Variants in TPRA1 observed in about 807,000 individuals in gnomAD.
TPRA1 encodes transmembrane protein adipocyte-associated 1.
TPRA1 carries 28 observed loss-of-function variants against 40.1 expected under a neutral mutation model. That is an observed-to-expected ratio of 0.70 (90% CI 0.52 to 0.96). The LOEUF is 0.96. Ranked by LOEUF, TPRA1 falls within the 40% of genes least tolerant of loss-of-function variation. The probability of loss-of-function intolerance (pLI) is 0.00; values close to 1 mark genes in which losing one functional copy is unlikely to be tolerated. For missense variants in TPRA1, 441 were observed against 482.6 expected (o/e 0.91, Z 0.81); for synonymous variants, 219 against 209.7 (o/e 1.04, Z -0.38).
upstream of TPRA1, among the ~76,000 whole-genome samples, chr3:127,592,707 G>T (rs554531063): frequency 1.3e-5 from 2 of 152,196 alleles, no homozygotes; most frequent in African/African-American, 4.8e-5. Context: ...TTTAATGAGC[G>T]CCTGGGTGCA....
In TPRA1 at chr3:127,571,655, C is replaced by G. The variant is rs1259473405; in HGVS notation, c.*1866G>C. 6.6e-6 allele frequency: 1 copy of G among 152,108 alleles called. No individual in the cohort carries two copies. The highest frequency in any genetic ancestry group is 6.5e-5 in the Admixed American group (1 of 15,276). The allele number at this position is 152,108 out of a possible 1,614,324, so 9.4% of individuals were successfully genotyped here. A position where few individuals can be genotyped will look rare whatever the true frequency, so the allele number is the denominator to read the frequency against. ...CAGAAAGAGGGATGATATACACATC[C>G]GTTGGTGTGAACACAGGATGGCTCT... is the stretch of plus-strand genomic sequence containing the variant. On this transcript the variant is annotated 3_prime_UTR_variant, in exon 11 of 11. Transcript: ENST00000355552.
At chr3:127,592,034 A>G (rs1327561854), upstream of TPRA1, 2 of 152,178 alleles carry the variant, frequency 1.3e-5, no homozygotes, top group East Asian at 3.9e-4. Flanking sequence ...AAATGTGCAT[A>G]CCTAAGTTTA....
intron 10 of TPRA1, 92 bp from the exon 11 acceptor site, chr3:127,573,880 G>A: frequency 1.4e-6 from 2 of 1,453,972 alleles, no homozygotes; most frequent in Non-Finnish European, 1.8e-6. Context: ...AGATAAGGAA[G>A]GAATTGACCA....
chr3:127,591,338 A>G (rs1289019944), upstream of TPRA1, among the ~76,000 whole-genome samples: 1 of 152,216 alleles, frequency 6.6e-6, no homozygotes, highest in Non-Finnish European at 1.5e-5. Flanking sequence ...GTCACCTTTT[A>G]CAGGGCCACC....
Position 127,573,433 on chromosome 3 carries a change from G to A in TPRA1, c.*88C>T, listed in dbSNP as rs2073439438. On this transcript the variant is annotated 3_prime_UTR_variant, in exon 11 of 11. Coordinates refer to ENST00000355552, the MANE Select transcript of TPRA1 (RefSeq NM_001136053.4). ...CACACAGGGCTACTGCCCACAGAACGTCCCTTGACCTGGTCCTCCTCCCCT... is the reference window on the plus strand; with the variant it reads ...CACACAGGGCTACTGCCCACAGAACATCCCTTGACCTGGTCCTCCTCCCCT... The A allele has an allele frequency of 1.4e-5, 21 of 1,483,268 alleles. No individual in the cohort carries two copies. The highest frequency in any genetic ancestry group is 1.2e-4 in the South Asian group (9 of 76,382). 91.9% of individuals were successfully genotyped at this position (1,483,268 alleles called of 1,614,324 possible). A position where few individuals can be genotyped will look rare whatever the true frequency, so the allele number is the denominator to read the frequency against.
Position 127,576,255 on chromosome 3 carries a change from G to A in TPRA1, c.499-205C>T, listed in dbSNP as rs1055849357. On this transcript the variant is annotated intron_variant, in intron 6 of 10. Transcript: ENST00000355552. This position sits in a 1 kb window ranked among gnomAD's most constrained non-coding sequence, Gnocchi z 4.6. ...GCATCCAGAGCCGGCCCAGTCTTGG[G>A]CTGAGTCACATGGGGAAGGGGGCAG... is the stretch of plus-strand genomic sequence containing the variant. 6.6e-6 allele frequency among the ~76,000 whole-genome samples: 1 copy of A among 152,174 alleles called. No individual in the cohort carries two copies. The highest frequency in any genetic ancestry group is 2.4e-5 in the African/African-American group (1 of 41,434).
intron 1 of TPRA1, among the ~76,000 whole-genome samples, chr3:127,585,140 A>G (rs896280981): frequency 2.6e-5 from 4 of 152,204 alleles, no homozygotes; most frequent in African/African-American, 7.2e-5. Context: ...CCCAATGAAT[A>G]TAAAGGTACT....
chr3:127,582,616 G>A (rs1449720474), intron 1 of TPRA1, among the ~76,000 whole-genome samples: 1 of 150,162 alleles, frequency 6.7e-6, no homozygotes, highest in African/African-American at 2.5e-5. Flanking sequence ...GCAGGAGAAT[G>A]GCTTGAACCC....
Position 127,576,394 on chromosome 3 carries a change from G to A in TPRA1, c.498+223C>T, listed in dbSNP as rs902426708. On this transcript the variant is annotated intron_variant, in intron 6 of 10. Transcript: ENST00000355552. The surrounding 1 kb of genome is among the most constrained non-coding windows in gnomAD (Gnocchi z 4.6). ...CCCTACCTGAACTCCTTATTAAAAC[G>A]GCAAGTCCTGAGCCTCCCATCCTGG... Among the ~76,000 whole-genome samples, 1 of 152,130 alleles carries A rather than the reference G, an allele frequency of 6.6e-6. No individual in the cohort carries two copies. Among genetic ancestry groups the A allele is most frequent in the Non-Finnish European group, 1.5e-5 (1 of 68,018 alleles).
In TPRA1 at chr3:127,576,344, A is replaced by AG. The variant is rs1576368962; in HGVS notation, c.498+272dup. Among the ~76,000 whole-genome samples, 1 of 152,120 alleles carries AG rather than the reference A, an allele frequency of 6.6e-6. No individual in the cohort carries two copies. The highest frequency in any genetic ancestry group is 2.4e-5 in the African/African-American group (1 of 41,420). Reference sequence around the variant, plus strand: ...AGGGGCCTCTAGATGCATGCTTCTCAGGGGGGTCTGCGGACCTGCACCATC... The same window carrying AG: ...AGGGGCCTCTAGATGCATGCTTCTCAGGGGGGGTCTGCGGACCTGCACCATC... On this transcript the variant is annotated intron_variant, in intron 6 of 10. Coordinates refer to ENST00000355552, the MANE Select transcript of TPRA1 (RefSeq NM_001136053.4). The surrounding 1 kb of genome is among the most constrained non-coding windows in gnomAD (Gnocchi z 4.6).
rs1489692453 is a variant in TPRA1, at chr3:127,572,767, G to C, written c.*754C>G. ...CTGCGTTTTAATGGAGCTGAGCAGA[G>C]AGAACCGGCTGCCCAAGACAACAGT... On this transcript the variant is annotated 3_prime_UTR_variant, in exon 11 of 11. Transcript: ENST00000355552. Among the ~76,000 whole-genome samples, 1 of 152,230 alleles carries C rather than the reference G, an allele frequency of 6.6e-6. No individual in the cohort carries two copies. Among genetic ancestry groups the C allele is most frequent in the Non-Finnish European group, 1.5e-5 (1 of 68,046 alleles).
chr3:127,588,727 G>C (rs1206965310), intron 1 of TPRA1, among the ~76,000 whole-genome samples: 1 of 152,198 alleles, frequency 6.6e-6, no homozygotes, highest in Non-Finnish European at 1.5e-5. Context: ...GGCCCGCACT[G>C]ACTTTTAGTT....
chr3:127,586,282 G>T (rs1576392144), intron 1 of TPRA1, among the ~76,000 whole-genome samples: 1 of 152,344 alleles, frequency 6.6e-6, no homozygotes, highest in East Asian at 1.9e-4. Flanking sequence ...TTTGAGTTGA[G>T]AGTATCAGTG....
upstream of TPRA1, among the ~76,000 whole-genome samples, chr3:127,592,511 G>C (rs989290004): frequency 4.3e-4 from 64 of 148,786 alleles, no homozygotes; most frequent in Non-Finnish European, 4.9e-4. Flanking sequence ...TCAGCCTCCC[G>C]AGTAGCTGGG....
chr3:127,575,933 A>G lies in TPRA1; in HGVS notation c.609+7T>C. On this transcript the variant is annotated splice_region_variant and intron_variant, in intron 7 of 10. Coordinates refer to ENST00000355552, the MANE Select transcript of TPRA1 (RefSeq NM_001136053.4). ...AGCCACCCCAGCTGCCCCAGCCTGAACCTCACCAGGAAGAAGAAGCAGGAG... is the reference window on the plus strand; with the variant it reads ...AGCCACCCCAGCTGCCCCAGCCTGAGCCTCACCAGGAAGAAGAAGCAGGAG... 1 of 1,613,824 alleles carries G rather than the reference A, an allele frequency of 6.2e-7. No homozygotes were observed. The highest frequency in any genetic ancestry group is 8.5e-7 in the Non-Finnish European group (1 of 1,179,894).
rs1226041872 is a variant in TPRA1, at chr3:127,573,442, C to G, written c.*79G>C. 1 of 1,515,578 alleles carries G rather than the reference C, an allele frequency of 6.6e-7. No individual in the cohort carries two copies. Among genetic ancestry groups the G allele is most frequent in the Non-Finnish European group, 8.8e-7 (1 of 1,132,456 alleles). The allele number at this position is 1,515,578 out of a possible 1,614,324, so 93.9% of individuals were successfully genotyped here. ...CTACTGCCCACAGAACGTCCCTTGA[C>G]CTGGTCCTCCTCCCCTGGGGACTCT... On this transcript the variant is annotated 3_prime_UTR_variant, in exon 11 of 11. Coordinates refer to ENST00000355552, the MANE Select transcript of TPRA1 (RefSeq NM_001136053.4).
chr3:127,582,015 T>C (rs1479593802), intron 1 of TPRA1, among the ~76,000 whole-genome samples: 2 of 152,088 alleles, frequency 1.3e-5, no homozygotes, highest in Non-Finnish European at 2.9e-5. Flanking sequence ...CCCAGTGAGC[T>C]GCATGCCTGT....
At chr3:127,579,956 C>G (rs970458172) in intron 2 of TPRA1, 66 bp downstream of exon 2, 3 of 1,609,096 alleles carry the variant, frequency 1.9e-6, no homozygotes, top group African/African-American at 2.7e-5. Context: ...CCACCCTCAC[C>G]ACCCCCCTAC....
chr3:127,573,527 A>G lies in TPRA1; in HGVS notation c.1116T>C (p.Asn372=), dbSNP rs1168081985. 4 of 1,610,778 alleles carry G rather than the reference A, an allele frequency of 2.5e-6. No individual in the cohort carries two copies. In the African/African-American group the frequency reaches 5.3e-5, roughly 22 times the overall value. Residue 372 remains asparagine, a synonymous_variant, in exon 11 of 11, where the codon AAT becomes AAC. Coordinates refer to ENST00000355552, the MANE Select transcript of TPRA1 (RefSeq NM_001136053.4). ...STDSERWKAI[N]A ...CAGGCCCTGGCAGCTGCCCTCAGGC[A>G]TTGATGGCCTTCCAGCGCTCGCTGT...
Sources: allele counts gnomAD v4.1 joint callset (sites outside exome capture counted in the v4.1 genomes callset), GRCh38; gene constraint gnomAD v4.1.1; non-coding constraint Gnocchi (gnomAD v3.1); transcripts MANE v1.5; gene names NCBI Gene and HGNC (gene_info 2026-07-23, HGNC 2026-07-21).